INSR: variants seen among roughly 807,000 people sequenced by gnomAD.
The protein encoded by INSR is insulin receptor.
INSR carries 67 observed loss-of-function variants against 142.6 expected under a neutral mutation model. The ratio of observed to expected loss-of-function variants is 0.47; its 90% CI spans 0.39 to 0.58. The LOEUF (loss-of-function observed/expected upper bound fraction) is 0.58, where lower values mean the gene tolerates loss of function less well. Ranked by LOEUF, INSR falls within the 20% of genes least tolerant of loss-of-function variation. The pLI is 0.00. For missense variants in INSR, 1,248 were observed against 1,833.2 expected (o/e 0.68, Z 5.83); for synonymous variants, 756 against 743.1 (o/e 1.02, Z -0.28).
In INSR at chr19:7,117,124, A is replaced by G; in HGVS notation, c.4081T>C (p.Tyr1361His). ...FKRSYEEHIP[Y>H]THMNGGKKNG... is the part of the protein sequence containing the mutation. The stretch of plus-strand genomic sequence containing the variant: ...TTCTTGCCTCCGTTCATGTGTGTGT[A>G]AGGGATGTGTTCCTCGTAGCTCCGC... Residue 1361 changes from tyrosine to histidine, a missense_variant, in exon 22 of 22, where the codon TAC becomes CAC. Tyr to His is a moderately conservative substitution (Grantham distance 83, BLOSUM62 2). This residue lies in a region of INSR where 122 missense variants were observed against 129.8 expected (regional missense o/e 0.94). Coordinates refer to ENST00000302850, the MANE Select transcript of INSR (RefSeq NM_000208.4). 1 of 1,614,092 alleles carries G rather than the reference A, an allele frequency of 6.2e-7. No individual in the cohort carries two copies. The highest frequency in any genetic ancestry group is 1.1e-5 in the South Asian group (1 of 91,080).
chr19:7,199,822 T>A (rs932350493), intron 2 of INSR, among the ~76,000 whole-genome samples: 1 of 144,544 alleles, frequency 6.9e-6, no homozygotes, highest in South Asian at 2.3e-4. Context: ...CCTCCCAGTA[T>A]GCACGAGACA....
chr19:7,208,034 C>T (rs1975163818), intron 2 of INSR, among the ~76,000 whole-genome samples: 1 of 152,072 alleles, frequency 6.6e-6, no homozygotes, highest in African/African-American at 2.4e-5. Context: ...TGGTTAAGAG[C>T]TGGCCCCTCT....
At chr19:7,279,655 G>T (rs571604776) in intron 1 of INSR, among the ~76,000 whole-genome samples, 1 of 151,916 alleles carries the variant, frequency 6.6e-6, no homozygotes, top group East Asian at 1.9e-4. Flanking sequence ...AGGTGATATT[G>T]CAGGAAAGGT....
chr19:7,167,405 G>T (rs545917725), intron 7 of INSR, among the ~76,000 whole-genome samples: 1 of 151,950 alleles, frequency 6.6e-6, no homozygotes, highest in Admixed American at 6.6e-5. Context: ...GGCAAAACCC[G>T]TCTCTATCAA....
chr19:7,132,386 A>G (rs1972808679), intron 13 of INSR, 69 bp from the exon 14 acceptor site: 6 of 1,549,314 alleles, frequency 3.9e-6, no homozygotes, highest in Middle Eastern at 2.0e-4. Context: ...CACCCCTCGC[A>G]GGGAGCTCAC....
At chr19:7,188,945 C>T (rs1974505788) in intron 2 of INSR, among the ~76,000 whole-genome samples, 1 of 149,722 alleles carries the variant, frequency 6.7e-6, no homozygotes, top group South Asian at 2.1e-4. Context: ...AAGGCTGTTG[C>T]AAGAAATAAA....
intron 13 of INSR, among the ~76,000 whole-genome samples, chr19:7,137,088 T>A (rs1443131409): frequency 6.6e-6 from 1 of 152,076 alleles, no homozygotes; most frequent in Non-Finnish European, 1.5e-5. Flanking sequence ...CACCATGGCC[T>A]CTGAAGGTAC....
chr19:7,148,634 T>C (rs1466513145), intron 11 of INSR, among the ~76,000 whole-genome samples: 905 of 129,220 alleles, frequency 7.0e-3, no homozygotes, highest in Middle Eastern at 0.068. Flanking sequence ...TGTGTCACCA[T>C]GCCCGGCTAA....
rs1445698616 is a variant in INSR at position 7,122,936 on chromosome 19, C to T, written c.3312G>A (p.Glu1104=). 1.9e-6 allele frequency: 3 copies of T among 1,608,744 alleles called. No homozygotes were observed. Among genetic ancestry groups the T allele is most frequent in the Non-Finnish European group, 2.5e-6 (3 of 1,178,596 alleles). The change falls in exon 18 of 22, where the codon GAG becomes GAA. Residue 1104 remains glutamate, a synonymous_variant. Coordinates refer to ENST00000302850, the MANE Select transcript of INSR (RefSeq NM_000208.4). ...SKGQPTLVVM[E]LMAHGDLKSY... ...TCTTCAGGTCTCCGTGAGCCATCAG[C>T]TCCATCACCACCAGCGTGGGCTGGC...
chr19:7,152,676 A>G, intron 10 of INSR, 50 bp downstream of exon 10: 1 of 1,484,766 alleles, frequency 6.7e-7, no homozygotes, highest in East Asian at 2.3e-5. Flanking sequence ...CCTTCCACCA[A>G]CACCAAGCCA....
Position 7,166,382 on chromosome 19 carries a change from A to G in INSR, c.1633T>C (p.Phe545Leu). 1 of 1,613,996 alleles carries G rather than the reference A, an allele frequency of 6.2e-7. No individual in the cohort carries two copies. The highest frequency in any genetic ancestry group is 2.2e-5 in the East Asian group (1 of 44,862). Residue 545 changes from phenylalanine to leucine, a missense_variant, in exon 8 of 22, where the codon TTC becomes CTC. Phe to Leu is a conservative substitution (Grantham distance 22). Coordinates refer to ENST00000302850, the MANE Select transcript of INSR (RefSeq NM_000208.4). The surrounding 1 kb of genome is among the most constrained non-coding windows in gnomAD (Gnocchi z 4.1). Reference sequence around the variant, plus strand: ...GAACCACACGCATCCTGCCCGTCGAACTCCGTCACATTCTGATAAGGGCTT... The same window carrying G: ...GAACCACACGCATCCTGCCCGTCGAGCTCCGTCACATTCTGATAAGGGCTT... ...KEAPYQNVTE[F>L]DGQDACGSNS...
intron 2 of INSR, among the ~76,000 whole-genome samples, chr19:7,198,259 G>GC (rs1974846697): frequency 6.6e-6 from 1 of 151,342 alleles, no homozygotes; most frequent in South Asian, 2.1e-4. Flanking sequence ...AGGGGCGCTG[G>GC]CCCCGCCCCC....
intron 2 of INSR, among the ~76,000 whole-genome samples, chr19:7,249,723 T>G (rs1015282355): frequency 2.0e-5 from 3 of 152,078 alleles, no homozygotes; most frequent in Non-Finnish European, 4.4e-5. Flanking sequence ...CTGGGCGCGG[T>G]GGCTCACGCC....
intron 2 of INSR, among the ~76,000 whole-genome samples, chr19:7,249,425 G>A (rs1447606767): frequency 6.6e-6 from 1 of 151,986 alleles, no homozygotes; most frequent in Non-Finnish European, 1.5e-5. Flanking sequence ...TATGAAGTTC[G>A]GTCTGTGCCC....
chr19:7,206,702 G>C (rs997413182), intron 2 of INSR, among the ~76,000 whole-genome samples: 4 of 152,142 alleles, frequency 2.6e-5, no homozygotes, highest in African/African-American at 9.7e-5. Context: ...TCAGTGAACA[G>C]AGATTGCACC....
At chr19:7,227,129 A>G (rs921528214) in intron 2 of INSR, among the ~76,000 whole-genome samples, 4 of 152,146 alleles carry the variant, frequency 2.6e-5, no homozygotes, top group Non-Finnish European at 5.9e-5. Flanking sequence ...TAGAACACTG[A>G]GTTTTCCAGC....
At chr19:7,206,270 C>T (rs2145059818) in intron 2 of INSR, among the ~76,000 whole-genome samples, 1 of 152,218 alleles carries the variant, frequency 6.6e-6, no homozygotes, top group East Asian at 1.9e-4. Context: ...TGGGCTCACT[C>T]AATCTTCCCA....
chr19:7,132,460 C>G, intron 13 of INSR, 143 bp from the exon 14 acceptor site: 1 of 862,958 alleles, frequency 1.2e-6, no homozygotes, highest in Non-Finnish European at 1.9e-6. Flanking sequence ...ACATAAGCGA[C>G]TTTGAGAATT....
chr19:7,194,508 CTTT>C lies in INSR; in HGVS notation c.653-9874_653-9872del, dbSNP rs35025189. On this transcript the variant is annotated intron_variant, in intron 2 of 21. Coordinates refer to ENST00000302850, the MANE Select transcript of INSR (RefSeq NM_000208.4). The stretch of plus-strand genomic sequence containing the variant: ...GGAGTGTGTTTTAATAATAGCTTTG[CTTT>C]TTTTTTTTTTTTTTTTTTTGAGACA... 4.1e-3 allele frequency among the ~76,000 whole-genome samples: 301 copies of C among 73,570 alleles called. 2 individuals are homozygous for C. The highest frequency in any genetic ancestry group is 0.014 in the African/African-American group (246 of 17,896). 48.3% of individuals were successfully genotyped at this position (73,570 alleles called of 152,430 possible). A position where few individuals can be genotyped will look rare whatever the true frequency, so the allele number is the denominator to read the frequency against.
Sources: allele counts gnomAD v4.1 joint callset (sites outside exome capture counted in the v4.1 genomes callset), GRCh38; gene constraint gnomAD v4.1.1; regional missense constraint gnomAD v4.1.1; non-coding constraint Gnocchi (gnomAD v3.1); transcripts MANE v1.5; gene names NCBI Gene and HGNC (gene_info 2026-07-23, HGNC 2026-07-21).